The following CNPY3 variants were observed in gnomAD, a reference collection of about 807,000 sequenced individuals.
The protein encoded by CNPY3 is canopy FGF signaling regulator 3, also known as protein canopy homolog 3.
A neutral mutation model predicts 32.0 loss-of-function variants in CNPY3; 20 were observed. The observed-to-expected ratio is 0.63, with a 90% CI of 0.44 to 0.91. The LOEUF (loss-of-function observed/expected upper bound fraction) is 0.91. Among genes scored for constraint, CNPY3 ranks in the 40% least tolerant of loss-of-function variants. CNPY3 has a pLI of 0.00. For synonymous variants in CNPY3, 138 were observed against 142.9 expected (o/e 0.97, Z 0.24); for missense variants, 299 against 340.8 (o/e 0.88, Z 0.97).
At chr6:42,934,684 AC>A in intron 2 of CNPY3, 86 bp downstream of exon 2, 1 of 1,575,604 alleles carries the variant, frequency 6.3e-7, no homozygotes, top group Non-Finnish European at 8.7e-7. Flanking sequence ...AGCTAGGCAA[AC>A]CCCCTACAAG....
intron 4 of CNPY3, 125 bp downstream of exon 4, chr6:42,937,964 C>A (rs908879869): frequency 2.0e-6 from 3 of 1,466,526 alleles, no homozygotes; most frequent in African/African-American, 1.4e-5. Flanking sequence ...ACCTCTCTGG[C>A]CTCAGTTTCC....
intron 1 of CNPY3, among the ~76,000 whole-genome samples, chr6:42,931,307 A>G (rs1581701011): frequency 6.8e-6 from 1 of 147,500 alleles, no homozygotes; most frequent in Admixed American, 6.8e-5. Flanking sequence ...GCTCACCGCA[A>G]CCTCCAGTGA....
Position 42,938,808 on chromosome 6 carries a change from C to T in CNPY3, c.*17C>T. The T allele has an allele frequency of 1.3e-6, 2 of 1,530,970 alleles. No homozygotes were observed. The highest frequency in any genetic ancestry group is 1.7e-6 in the Non-Finnish European group (2 of 1,143,488). 94.8% of individuals were successfully genotyped at this position (1,530,970 alleles called of 1,614,324 possible). A position where few individuals can be genotyped will look rare whatever the true frequency, so the allele number is the denominator to read the frequency against. ...GAGCTCTGAGCCCACCCAGCATCCT[C>T]TGTCCTGAGACCCCTGATTTTGAAG... On this transcript the variant is annotated 3_prime_UTR_variant, in exon 6 of 6. Coordinates refer to ENST00000372836, the MANE Select transcript of CNPY3 (RefSeq NM_006586.5).
upstream of CNPY3, chr6:42,929,470 A>T: frequency 3.2e-6 from 4 of 1,251,926 alleles, no homozygotes; most frequent in Non-Finnish European, 4.3e-6. Context: ...GGTTGCTCGG[A>T]GGCACGTGTG....
At position 42,929,684 on chromosome 6, in the gene CNPY3, G is replaced by A; in HGVS notation, c.114G>A (p.Glu38=). ...PELGPSQAGA[E]ENDWVRLPSK... is the part of the protein sequence containing the mutation. Reference sequence around the variant, plus strand: ...TGGGCCCGAGCCAGGCCGGAGCTGAGGAGAACGACTGGGTTCGCCTGCCCA... The same window carrying A: ...TGGGCCCGAGCCAGGCCGGAGCTGAAGAGAACGACTGGGTTCGCCTGCCCA... Residue 38 remains glutamate (E), a synonymous_variant, in exon 1 of 6, where the codon GAG becomes GAA. Coordinates refer to ENST00000372836, the MANE Select transcript of CNPY3 (RefSeq NM_006586.5). 1.9e-6 allele frequency: 3 copies of A among 1,551,592 alleles called. No individual in the cohort carries two copies. The highest frequency in any genetic ancestry group is 8.7e-7 in the Non-Finnish European group (1 of 1,147,388).
At chr6:42,932,251 G>A (rs1171747424) in intron 1 of CNPY3, among the ~76,000 whole-genome samples, 1 of 152,160 alleles carries the variant, frequency 6.6e-6, no homozygotes, top group Admixed American at 6.5e-5. Context: ...GGATGGCTTG[G>A]CAAACTCCAA....
rs1768100109 is a variant in CNPY3 at position 42,934,840 on chromosome 6, C to G, written c.275+242C>G. ...AGACTGTTGGACTATATCATTGATT[C>G]TCAGACGCTTGGATTTCACAGAGCA... On this transcript the variant is annotated intron_variant, in intron 2 of 5. Transcript: ENST00000372836. Among the ~76,000 whole-genome samples the G allele has an allele frequency of 6.6e-5, 10 of 152,308 alleles. No homozygotes were observed. The South Asian group carries it at 1.9e-3, about 28-fold the overall frequency.
intron 2 of CNPY3, 135 bp from the exon 3 acceptor site, chr6:42,935,439 C>A: frequency 1.5e-6 from 2 of 1,357,782 alleles, no homozygotes; most frequent in Non-Finnish European, 9.6e-7. Flanking sequence ...ACCAGATGAC[C>A]TATCTTCCTT....
At chr6:42,937,497 A>G (rs9471968) in intron 3 of CNPY3, among the ~76,000 whole-genome samples, 96,518 of 151,744 alleles carry the variant, frequency 0.64, 33,125 homozygotes, top group African/African-American at 0.91. Flanking sequence ...GGGAGGCTGA[A>G]GCAGGAAAAT....
chr6:42,938,623 G>A lies in CNPY3; in HGVS notation c.669G>A (p.Gly223=), dbSNP rs776354473. The A allele has an allele frequency of 3.1e-5, 50 of 1,609,864 alleles. No homozygotes were observed. Among genetic ancestry groups the A allele is most frequent in the East Asian group, 2.2e-4 (10 of 44,822 alleles). Residue 223 remains glycine, a synonymous_variant, in exon 6 of 6, where the codon GGG becomes GGA. Coordinates refer to ENST00000372836, the MANE Select transcript of CNPY3 (RefSeq NM_006586.5). ...AGGGAGACACAGCTGCCCTGGGAGG[G>A]AAGAAGTCCAAGAAGAAGAGCAGCA... The part of the protein sequence containing the change: ...GKKGDTAALG[G]KKSKKKSSRA...
intron 3 of CNPY3, among the ~76,000 whole-genome samples, chr6:42,935,901 C>T (rs986861492): frequency 1.3e-5 from 2 of 152,090 alleles, no homozygotes; most frequent in Non-Finnish European, 2.9e-5. Context: ...ATCTCAGACA[C>T]AGGCAGAAAT....
At chr6:42,937,017 T>G (rs777261298) in intron 3 of CNPY3, among the ~76,000 whole-genome samples, 3 of 152,140 alleles carry the variant, frequency 2.0e-5, no homozygotes, top group East Asian at 3.9e-4. Flanking sequence ...CTAGCAGAGA[T>G]AGTTTTTACA....
At position 42,937,711 on chromosome 6, in the gene CNPY3, T is replaced by C; in HGVS notation, c.373-6T>C. The C allele has an allele frequency of 1.2e-6, 2 of 1,613,982 alleles. No homozygotes were observed. Among genetic ancestry groups the C allele is most frequent in the African/African-American group, 1.3e-5 (1 of 75,042 alleles). On this transcript the variant is annotated splice_polypyrimidine_tract_variant and splice_region_variant and intron_variant, in intron 3 of 5. Transcript: ENST00000372836. ...TCCGCCTGCCATATCTGGTCGCTTC[T>C]TCCAGGGCATGTCAGAGACCTTTGA...
intron 5 of CNPY3, 146 bp from the exon 6 acceptor site, chr6:42,938,422 T>A: frequency 1.2e-6 from 1 of 847,358 alleles, no homozygotes; most frequent in Non-Finnish European, 1.9e-6. Context: ...AGGGGCCTGG[T>A]GGCCACAGCG....
upstream of CNPY3, chr6:42,929,413 G>A: frequency 1.3e-6 from 1 of 784,644 alleles, no homozygotes; most frequent in Non-Finnish European, 2.0e-6. Context: ...TTTGAAGGCG[G>A]GCTGCGGCTG....
intron 2 of CNPY3, 55 bp from the exon 3 acceptor site, chr6:42,935,519 C>G: frequency 6.3e-7 from 1 of 1,580,018 alleles, no homozygotes; most frequent in African/African-American, 1.3e-5. Flanking sequence ...GGACAGACCA[C>G]TAACCCACTG....
intron 3 of CNPY3, among the ~76,000 whole-genome samples, chr6:42,936,306 C>G (rs1768230043): frequency 6.6e-6 from 1 of 152,164 alleles, no homozygotes; most frequent in South Asian, 2.1e-4. Context: ...TAGTCTCAAG[C>G]AGCAGAAATT....
intron 1 of CNPY3, among the ~76,000 whole-genome samples, chr6:42,933,453 G>C (rs1239103365): frequency 1.3e-5 from 2 of 152,170 alleles, no homozygotes; most frequent in African/African-American, 4.8e-5. Flanking sequence ...GAGACAGTAG[G>C]AACAAGAGCT....
chr6:42,937,780 G>C lies in CNPY3; in HGVS notation c.436G>C (p.Asp146His). The C allele has an allele frequency of 6.2e-7, 1 of 1,614,074 alleles. No homozygotes were observed. The highest frequency in any genetic ancestry group is 8.5e-7 in the Non-Finnish European group (1 of 1,179,950). ...LVHKGVKVVM[D>H]IPYELWNETS... ...ACACAAAGGGGTCAAGGTGGTGATG[G>C]ACATCCCCTATGAGCTGTGGAACGA... Residue 146 changes from aspartate (D) to histidine (H), a missense_variant, in exon 4 of 6, where the codon GAC becomes CAC. This residue lies in a region of CNPY3 where 211 missense variants were observed against 278.3 expected (regional missense o/e 0.76). Coordinates refer to ENST00000372836, the MANE Select transcript of CNPY3 (RefSeq NM_006586.5).
Sources: gnomAD v4.1 joint callset for allele counts (sites outside exome capture counted in the v4.1 genomes callset) on GRCh38, gnomAD v4.1.1 for gene constraint, gnomAD v4.1.1 regional missense constraint, MANE v1.5 for transcripts, NCBI Gene and HGNC (gene_info 2026-07-23, HGNC 2026-07-21) for gene names.